The following FRS2 variants were observed in gnomAD, a reference collection of about 807,000 sequenced individuals.
FRS2 encodes the protein fibroblast growth factor receptor substrate 2.
Under a neutral mutation model 43.9 loss-of-function variants are expected in FRS2, and 8 were observed. That is an observed-to-expected ratio of 0.18 (90% confidence interval 0.11 to 0.33). The LOEUF (loss-of-function observed/expected upper bound fraction) is 0.33. FRS2 is among the 10% of genes least tolerant of loss of function. The pLI is 1.00. For missense variants in FRS2, 534 were observed against 627.6 expected (o/e 0.85, Z 1.59); for synonymous variants, 219 against 220.3 (o/e 0.99, Z 0.05).
chr12:69,572,221 T>C lies in FRS2; in HGVS notation c.516T>C (p.Ser172=). The change falls in exon 8 of 9, where the codon AGT becomes AGC. Residue 172 remains serine (S), a synonymous_variant. Coordinates refer to ENST00000549921, the MANE Select transcript of FRS2 (RefSeq NM_001278356.2). Reference sequence around the variant, plus strand: ...CAAGCAGACATCCTTCTGTGGGAAGTGCTCGCCTGCCTTCAGTAGGGGAAG... The same window carrying C: ...CAAGCAGACATCCTTCTGTGGGAAGCGCTCGCCTGCCTTCAGTAGGGGAAG... The part of the protein sequence containing the change: ...HPSSRHPSVG[S]ARLPSVGEES... The C allele has an allele frequency of 6.2e-7, 1 of 1,613,844 alleles. No individual in the cohort carries two copies. The highest frequency in any genetic ancestry group is 2.2e-5 in the East Asian group (1 of 44,868).
chr12:69,474,546 A>G (rs936292289), intron 1 of FRS2, among the ~76,000 whole-genome samples: 1 of 152,228 alleles, frequency 6.6e-6, no homozygotes, highest in Non-Finnish European at 1.5e-5. Context: ...TTCACACTGT[A>G]GGTTCACACG....
At chr12:69,519,144 C>CCCAT (rs1875366985) in intron 1 of FRS2, among the ~76,000 whole-genome samples, 1 of 152,038 alleles carries the variant, frequency 6.6e-6, no homozygotes. Flanking sequence ...GGGTGACAGT[C>CCCAT]TCTGGGACAC....
intron 1 of FRS2, among the ~76,000 whole-genome samples, chr12:69,509,403 G>T (rs1322308791): frequency 2.0e-5 from 3 of 152,184 alleles, no homozygotes; most frequent in African/African-American, 7.2e-5. Flanking sequence ...TTTCCAGCAT[G>T]AGTCAACTTG....
intron 3 of FRS2, among the ~76,000 whole-genome samples, chr12:69,554,468 T>G (rs1237727716): frequency 6.6e-6 from 1 of 152,134 alleles, no homozygotes; most frequent in African/African-American, 2.4e-5. Flanking sequence ...AAAATAAAAT[T>G]TTGTAGAATA....
intron 3 of FRS2, among the ~76,000 whole-genome samples, chr12:69,536,198 C>T (rs972470483): frequency 3.0e-5 from 4 of 134,568 alleles, no homozygotes; most frequent in Admixed American, 8.3e-5. Flanking sequence ...GATCTCAGCT[C>T]ACTGCAACCT....
At chr12:69,493,319 T>G (rs1027470853) in intron 1 of FRS2, among the ~76,000 whole-genome samples, 4 of 152,208 alleles carry the variant, frequency 2.6e-5, no homozygotes, top group African/African-American at 9.6e-5. Context: ...GATTTATGGA[T>G]TGTGGATGTC....
chr12:69,488,413 G>A (rs1269071037), intron 1 of FRS2, among the ~76,000 whole-genome samples: 1 of 152,120 alleles, frequency 6.6e-6, no homozygotes, highest in Admixed American at 6.6e-5. Flanking sequence ...GCATTTTTTA[G>A]TAATAAAGTA....
chr12:69,558,686 G>A (rs754436692), intron 3 of FRS2, among the ~76,000 whole-genome samples: 2 of 152,108 alleles, frequency 1.3e-5, no homozygotes, highest in African/African-American at 4.8e-5. Context: ...CTTTCCTTCT[G>A]TTCTGTATTG....
chr12:69,554,074 C>T (rs905015171), intron 3 of FRS2, among the ~76,000 whole-genome samples: 1 of 152,164 alleles, frequency 6.6e-6, no homozygotes, highest in Non-Finnish European at 1.5e-5. Context: ...CTTAAATGCT[C>T]CTGGCAGTTT....
chr12:69,490,408 A>T (rs934689800), intron 1 of FRS2, among the ~76,000 whole-genome samples: 4 of 150,616 alleles, frequency 2.7e-5, no homozygotes, highest in African/African-American at 9.8e-5. Context: ...ATTCCATTAG[A>T]AAAATACCTT....
chr12:69,566,136 C>T (rs1157028162), intron 4 of FRS2, among the ~76,000 whole-genome samples: 5 of 152,054 alleles, frequency 3.3e-5, no homozygotes, highest in Admixed American at 6.6e-5. Flanking sequence ...GCCAACCAAA[C>T]ATTTGTTATG....
At chr12:69,482,733 G>A (rs1025237442) in intron 1 of FRS2, among the ~76,000 whole-genome samples, 2 of 152,182 alleles carry the variant, frequency 1.3e-5, no homozygotes, top group Non-Finnish European at 2.9e-5. Flanking sequence ...AGAAAGTTCC[G>A]AGGGCTCTTG....
At chr12:69,535,698 A>G (rs1877206770) in intron 3 of FRS2, among the ~76,000 whole-genome samples, 1 of 151,986 alleles carries the variant, frequency 6.6e-6, no homozygotes. Context: ...GAACTTGTTA[A>G]TTGTTCTCTT....
intron 5 of FRS2, 63 bp from the exon 6 acceptor site, chr12:69,570,268 C>G: frequency 8.4e-7 from 1 of 1,189,356 alleles, no homozygotes; most frequent in Non-Finnish European, 1.3e-6. Context: ...AACTAATTAG[C>G]AACAATGCAT....
Position 69,495,069 on chromosome 12 carries a change from C to T in FRS2, c.-261+24539C>T, listed in dbSNP as rs573087211. On this transcript the variant is annotated intron_variant, in intron 1 of 8. Coordinates refer to ENST00000549921, the MANE Select transcript of FRS2 (RefSeq NM_001278356.2). ...TACAGGCATGAACCACCTCGCCTGG[C>T]CGCTTCTAGGTTTTAATTCAGTATT... 5.9e-5 allele frequency among the ~76,000 whole-genome samples: 9 copies of T among 152,288 alleles called. No homozygotes were observed. In the East Asian group the frequency reaches 1.7e-3, roughly 29 times the overall value.
At chr12:69,538,197 T>TTATATATATATATATATATATA (rs151295024) in intron 3 of FRS2, among the ~76,000 whole-genome samples, 2,357 of 79,912 alleles carry the variant, frequency 0.029, 104 homozygotes, top group African/African-American at 0.042. Flanking sequence ...AAAACAAATT[T>TTATATATATATATATATATATA]TATATATATA....
chr12:69,562,023 A>T, intron 3 of FRS2, 157 bp from the exon 4 acceptor site: 1 of 376,866 alleles, frequency 2.7e-6, no homozygotes, highest in Admixed American at 4.5e-5. Flanking sequence ...ATTACTTTTT[A>T]AAATTGATGT....
At chr12:69,526,896 T>C (rs1876293531) in intron 1 of FRS2, among the ~76,000 whole-genome samples, 1 of 152,106 alleles carries the variant, frequency 6.6e-6, no homozygotes, top group Admixed American at 6.6e-5. Flanking sequence ...GCTAATTTTT[T>C]GTATTTTTAG....
chr12:69,478,373 CTA>C (rs1354048978), intron 1 of FRS2, among the ~76,000 whole-genome samples: 2 of 152,002 alleles, frequency 1.3e-5, no homozygotes, highest in African/African-American at 4.8e-5. Context: ...TAAAATATAT[CTA>C]GTGTTATAGG....
Sources: allele counts gnomAD v4.1 joint callset (sites outside exome capture counted in the v4.1 genomes callset), GRCh38; gene constraint gnomAD v4.1.1; transcripts MANE v1.5; gene names NCBI Gene and HGNC (gene_info 2026-07-23, HGNC 2026-07-21).